ADK: variants seen among roughly 807,000 people sequenced by gnomAD.
ADK encodes the protein N6,N6-dimethyladenosine kinase.
In ADK, 24 loss-of-function variants were observed where a neutral mutation model predicts 44.7. That is an observed-to-expected ratio of 0.54 (90% confidence interval 0.39 to 0.76). The LOEUF is 0.76. Among genes scored for constraint, ADK ranks in the 30% least tolerant of loss-of-function variants. The pLI is 0.00. For missense variants in ADK, 321 were observed against 425.1 expected (o/e 0.76, Z 2.15); for synonymous variants, 128 against 142.6 (o/e 0.90, Z 0.73).
intron 6 of ADK, among the ~76,000 whole-genome samples, chr10:74,415,299 C>G (rs1468431486): frequency 6.6e-6 from 1 of 152,162 alleles, no homozygotes; most frequent in African/African-American, 2.4e-5. Context: ...TTAGACCAAT[C>G]AGCAGTTGCT....
rs1256279703 is a variant in ADK at position 74,177,938 on chromosome 10, TA to T, written c.66-22825del. On this transcript the variant is annotated intron_variant, in intron 1 of 10. Transcript: ENST00000539909. ...AATTGCATAATTATATATATATATA[TA>T]TATATATTTTTTTTTTTTTGAGACA... 5.8e-3 allele frequency among the ~76,000 whole-genome samples: 552 copies of T among 95,440 alleles called. 1 individual carries two copies. Among genetic ancestry groups the T allele is most frequent in the African/African-American group, 0.02 (492 of 24,346 alleles). 62.6% of individuals were successfully genotyped at this position (95,440 alleles called of 152,430 possible). A position where few individuals can be genotyped will look rare whatever the true frequency, so the allele number is the denominator to read the frequency against.
intron 6 of ADK, among the ~76,000 whole-genome samples, chr10:74,469,712 A>G (rs947336003): frequency 6.6e-6 from 1 of 152,232 alleles, no homozygotes; most frequent in Non-Finnish European, 1.5e-5. Context: ...AATTGTATGC[A>G]CATTGTGTGC....
rs192050483 is a variant in ADK at position 74,316,530 on chromosome 10, C to G, written c.273+1785C>G. Among the ~76,000 whole-genome samples the G allele has an allele frequency of 7.2e-5, 11 of 152,264 alleles. No homozygotes were observed. In the East Asian group the frequency reaches 7.7e-4, roughly 11 times the overall value. On this transcript the variant is annotated intron_variant, in intron 4 of 10. Transcript: ENST00000539909. Reference sequence around the variant, plus strand: ...CTGATGGCTTTATAAGGGGCTCTTACCCCTTTGCTCGGCATTTCCCATTCT... The same window carrying G: ...CTGATGGCTTTATAAGGGGCTCTTAGCCCTTTGCTCGGCATTTCCCATTCT...
intron 10 of ADK, among the ~76,000 whole-genome samples, chr10:74,702,436 C>T (rs1856456887): frequency 6.6e-6 from 1 of 151,476 alleles, no homozygotes; most frequent in Non-Finnish European, 1.5e-5. Flanking sequence ...CCCCCCTCGG[C>T]CTCCCAAAGT....
intron 10 of ADK, among the ~76,000 whole-genome samples, chr10:74,680,256 A>G (rs961768122): frequency 6.6e-6 from 1 of 151,410 alleles, no homozygotes; most frequent in South Asian, 2.1e-4. Flanking sequence ...CAGAGCTTGC[A>G]GTGAGCCGAG....
intron 6 of ADK, among the ~76,000 whole-genome samples, chr10:74,488,785 A>G (rs1177481768): frequency 1.3e-5 from 2 of 151,840 alleles, no homozygotes; most frequent in Non-Finnish European, 2.9e-5. Flanking sequence ...TTTTTTCAAC[A>G]GCTATATATT....
chr10:74,327,152 G>A (rs972716773), intron 4 of ADK, among the ~76,000 whole-genome samples: 1 of 152,026 alleles, frequency 6.6e-6, no homozygotes, highest in Non-Finnish European at 1.5e-5. Flanking sequence ...GGGGATTTAT[G>A]TGTTAATTAC....
intron 5 of ADK, among the ~76,000 whole-genome samples, chr10:74,395,489 T>C (rs1843476624): frequency 1.3e-5 from 2 of 152,256 alleles, no homozygotes; most frequent in South Asian, 4.1e-4. Context: ...GAGAACTTTA[T>C]GGTTTTAAGA....
At chr10:74,647,117 CTA>C (rs1160007279) in intron 9 of ADK, among the ~76,000 whole-genome samples, 281 of 151,624 alleles carry the variant, frequency 1.9e-3, no homozygotes, top group African/African-American at 6.5e-3. Context: ...AAAAAAAACT[CTA>C]GAGTTAGAAT....
chr10:74,633,413 C>T (rs1853506730), intron 9 of ADK, among the ~76,000 whole-genome samples: 1 of 152,120 alleles, frequency 6.6e-6, no homozygotes, highest in South Asian at 2.1e-4. Flanking sequence ...ACAAATATAA[C>T]AGCACTATTT....
At chr10:74,393,861 A>T (rs1000116293) in intron 4 of ADK, among the ~76,000 whole-genome samples, 1 of 152,146 alleles carries the variant, frequency 6.6e-6, no homozygotes, top group Non-Finnish European at 1.5e-5. Context: ...TTATTTTCCT[A>T]TATCAGGCCA....
At chr10:74,153,148 C>T (rs538180719) in intron 1 of ADK, among the ~76,000 whole-genome samples, 2 of 152,126 alleles carry the variant, frequency 1.3e-5, no homozygotes, top group Non-Finnish European at 2.9e-5. Context: ...TCAGTGGGAA[C>T]AAATAATGAG....
chr10:74,211,841 T>G (rs1843822708), intron 2 of ADK, among the ~76,000 whole-genome samples: 1 of 152,204 alleles, frequency 6.6e-6, no homozygotes, highest in African/African-American at 2.4e-5. Context: ...ACATTTCTTT[T>G]TATATGTTTA....
At chr10:74,180,000 T>C (rs1195549253) in intron 1 of ADK, among the ~76,000 whole-genome samples, 1 of 152,104 alleles carries the variant, frequency 6.6e-6, no homozygotes, top group African/African-American at 2.4e-5. Context: ...GCTGAATGAT[T>C]ACAAGATATC....
chr10:74,643,172 C>T (rs1191042895), intron 9 of ADK, among the ~76,000 whole-genome samples: 1 of 152,054 alleles, frequency 6.6e-6, no homozygotes, highest in East Asian at 1.9e-4. Flanking sequence ...TTGAAAGGGA[C>T]AGAGGGGTCA....
chr10:74,217,363 C>T (rs769365848), intron 2 of ADK, among the ~76,000 whole-genome samples: 44 of 152,352 alleles, frequency 2.9e-4, no homozygotes, highest in Admixed American at 8.5e-4. Context: ...ACAAAGCAGC[C>T]GGGAAGCTCC....
chr10:74,350,054 C>G (rs948804979), intron 4 of ADK, among the ~76,000 whole-genome samples: 1 of 152,090 alleles, frequency 6.6e-6, no homozygotes, highest in Non-Finnish European at 1.5e-5. Context: ...CTGGACCAAG[C>G]GGACCTAATA....
chr10:74,203,374 T>C (rs1289929401), intron 2 of ADK, among the ~76,000 whole-genome samples: 2 of 152,084 alleles, frequency 1.3e-5, no homozygotes, highest in Non-Finnish European at 2.9e-5. Context: ...TGTTTTTTTT[T>C]TGGAGACAGG....
At chr10:74,354,992 T>A (rs894697740) in intron 4 of ADK, among the ~76,000 whole-genome samples, 1 of 152,248 alleles carries the variant, frequency 6.6e-6, no homozygotes, top group Non-Finnish European at 1.5e-5. Flanking sequence ...AAATATTCAT[T>A]CCATACATTT....
Sources: allele counts gnomAD v4.1 joint callset (sites outside exome capture counted in the v4.1 genomes callset), GRCh38; gene constraint gnomAD v4.1.1; transcripts MANE v1.5; gene names NCBI Gene and HGNC (gene_info 2026-07-23, HGNC 2026-07-21).